The following RBFOX1 variants were observed in gnomAD, a reference collection of about 807,000 sequenced individuals.
RBFOX1 encodes the protein RNA binding protein fox-1 homolog 1.
A neutral mutation model predicts 57.7 loss-of-function variants in RBFOX1; 8 were observed. The observed-to-expected ratio is 0.14, with a 90% CI of 0.08 to 0.25. The LOEUF (loss-of-function observed/expected upper bound fraction) is 0.25. Ranked by LOEUF, RBFOX1 falls within the 10% of genes least tolerant of loss-of-function variation. The probability of loss-of-function intolerance (pLI) is 1.00; values close to 1 mark genes in which losing one functional copy is unlikely to be tolerated. For missense variants in RBFOX1, 611 were observed against 548.5 expected (o/e 1.11, Z -1.14); for synonymous variants, 326 against 222.4 (o/e 1.47, Z -4.15).
At chr16:6,811,660 C>T (rs531457846) in intron 3 of RBFOX1, among the ~76,000 whole-genome samples, 48 of 152,214 alleles carry the variant, frequency 3.2e-4, no homozygotes, top group African/African-American at 9.6e-4. Context: ...GAGGCTAAGG[C>T]GGGTAGATCA....
chr16:5,666,769 C>G (rs947629954), intron 3 of RBFOX1, among the ~76,000 whole-genome samples: 17 of 152,296 alleles, frequency 1.1e-4, no homozygotes, highest in African/African-American at 3.8e-4. Flanking sequence ...AAGGAGTCAG[C>G]ATGAAGTTGT....
intron 4 of RBFOX1, among the ~76,000 whole-genome samples, chr16:7,116,144 T>C (rs2065856934): frequency 6.6e-6 from 1 of 152,190 alleles, no homozygotes; most frequent in Admixed American, 6.5e-5. Context: ...TCTGAAATTC[T>C]CTTCTCCGTG....
intron 1 of RBFOX1, among the ~76,000 whole-genome samples, chr16:6,118,754 C>T (rs1468027686): frequency 1.4e-5 from 2 of 143,982 alleles, no homozygotes; most frequent in Admixed American, 1.4e-4. Flanking sequence ...TCCTTCCTTC[C>T]TTCTCTCTTT....
intron 9 of RBFOX1, among the ~76,000 whole-genome samples, chr16:7,602,784 C>A (rs2095104133): frequency 6.6e-6 from 1 of 152,192 alleles, no homozygotes; most frequent in Non-Finnish European, 1.5e-5. Context: ...CAGAATACAT[C>A]ATCTACTCAT....
intron 3 of RBFOX1, among the ~76,000 whole-genome samples, chr16:6,678,291 A>G (rs2058079145): frequency 6.6e-6 from 1 of 151,902 alleles, no homozygotes; most frequent in Non-Finnish European, 1.5e-5. Context: ...CACATGGCTA[A>G]TTTTTGTGTT....
At chr16:6,460,272 G>A (rs2094885748) in intron 2 of RBFOX1, among the ~76,000 whole-genome samples, 1 of 152,012 alleles carries the variant, frequency 6.6e-6, no homozygotes, top group African/African-American at 2.4e-5. Context: ...GTGTGTGACT[G>A]TGTCCTAATC....
intron 4 of RBFOX1, among the ~76,000 whole-genome samples, chr16:7,368,177 G>C (rs2097497110): frequency 6.6e-6 from 1 of 151,530 alleles, no homozygotes; most frequent in South Asian, 2.1e-4. Context: ...TGAGGCAGGA[G>C]GATCGCTTGA....
chr16:5,985,214 G>C (rs112954313), intron 4 of RBFOX1, among the ~76,000 whole-genome samples: 1 of 151,078 alleles, frequency 6.6e-6, no homozygotes, highest in South Asian at 2.1e-4. Context: ...GGATGGTCTC[G>C]ATCTCCTGAC....
chr16:6,152,012 C>A (rs1214848044), intron 1 of RBFOX1, among the ~76,000 whole-genome samples: 1 of 152,170 alleles, frequency 6.6e-6, no homozygotes, highest in Admixed American at 6.5e-5. Context: ...CCTTGGGTTT[C>A]TAAATGATTT....
At chr16:7,321,014 T>C (rs1372209146) in intron 4 of RBFOX1, among the ~76,000 whole-genome samples, 1 of 151,990 alleles carries the variant, frequency 6.6e-6, no homozygotes, top group African/African-American at 2.4e-5. Context: ...ACGATAAAAA[T>C]AAGTACTTTT....
At chr16:7,521,229 G>A (rs774280022) in intron 5 of RBFOX1, among the ~76,000 whole-genome samples, 1 of 152,188 alleles carries the variant, frequency 6.6e-6, no homozygotes, top group Non-Finnish European at 1.5e-5. Flanking sequence ...GTCCTAAGAA[G>A]AGGCCAGTAT....
intron 4 of RBFOX1, among the ~76,000 whole-genome samples, chr16:7,201,954 G>A (rs1428630686): frequency 3.3e-5 from 5 of 152,196 alleles, no homozygotes; most frequent in African/African-American, 9.6e-5. Context: ...AGAACTTGCA[G>A]AAGTTTGGGA....
At chr16:6,014,960 A>G (rs140381158), upstream of RBFOX1, among the ~76,000 whole-genome samples, 4 of 151,920 alleles carry the variant, frequency 2.6e-5, no homozygotes, top group East Asian at 7.8e-4. Context: ...GGCTTAAGCA[A>G]TCCCCCCACC....
intron 3 of RBFOX1, among the ~76,000 whole-genome samples, chr16:6,915,758 C>T (rs1035294692): frequency 6.6e-6 from 1 of 152,026 alleles, no homozygotes; most frequent in African/African-American, 2.4e-5. Context: ...TGCCATGTTG[C>T]CCATGCTGCC....
At chr16:7,251,717 G>A (rs1188023376) in intron 4 of RBFOX1, among the ~76,000 whole-genome samples, 2 of 152,090 alleles carry the variant, frequency 1.3e-5, no homozygotes, top group Admixed American at 6.6e-5. Flanking sequence ...ACAGTGCCTG[G>A]TCATGTCCAT....
At chr16:5,432,013 G>C (rs1307162188) in intron 1 of RBFOX1, among the ~76,000 whole-genome samples, 1 of 152,098 alleles carries the variant, frequency 6.6e-6, no homozygotes, top group Non-Finnish European at 1.5e-5. Context: ...GTGAGAAGGA[G>C]GTAAATTGTG....
At chr16:5,447,407 TC>T in intron 1 of RBFOX1, among the ~76,000 whole-genome samples, 2 of 151,728 alleles carry the variant, frequency 1.3e-5, no homozygotes. Context: ...TCTCTCTCTC[TC>T]TCGACGCAGT....
intron 4 of RBFOX1, among the ~76,000 whole-genome samples, chr16:7,317,909 C>T (rs73561854): frequency 0.03 from 4,570 of 150,946 alleles, 142 homozygotes; most frequent in African/African-American, 0.082. Context: ...CAGTACAGTA[C>T]CCAGCAAACA....
At chr16:7,390,945 C>T (rs886504977) in intron 4 of RBFOX1, among the ~76,000 whole-genome samples, 1 of 151,900 alleles carries the variant, frequency 6.6e-6, no homozygotes, top group African/African-American at 2.4e-5. Context: ...TTTTTTACTG[C>T]CTGTTTTGCT....
Sources: allele counts gnomAD v4.1 joint callset (sites outside exome capture counted in the v4.1 genomes callset), GRCh38; gene constraint gnomAD v4.1.1; transcripts MANE v1.5; gene names NCBI Gene and HGNC (gene_info 2026-07-23, HGNC 2026-07-21).